Variants in RBKS observed in about 807,000 individuals in gnomAD.
The protein encoded by RBKS is ribokinase.
A neutral mutation model predicts 33.9 loss-of-function variants in RBKS; 33 were observed. The observed-to-expected ratio is 0.97, with a 90% CI of 0.74 to 1.30. RBKS has a LOEUF of 1.30. Among genes scored for constraint, RBKS ranks in the 50% most tolerant of loss-of-function variants. RBKS has a pLI of 0.00. For missense variants in RBKS, 361 were observed against 392.6 expected (o/e 0.92, Z 0.68); for synonymous variants, 125 against 143.0 (o/e 0.87, Z 0.90).
chr2:27,832,539 C>T (rs1290483477), intron 6 of RBKS, 147 bp downstream of exon 6: 1 of 629,722 alleles, frequency 1.6e-6, no homozygotes, highest in African/African-American at 1.9e-5. Context: ...TCCTTTTCTC[C>T]ACACCCCGGT....
At chr2:27,789,125 G>T (rs922827372) in intron 7 of RBKS, among the ~76,000 whole-genome samples, 4 of 152,180 alleles carry the variant, frequency 2.6e-5, no homozygotes, top group African/African-American at 9.7e-5. Flanking sequence ...TAGACACGTA[G>T]CTCACTTGAT....
chr2:27,791,646 A>AATATAC (rs66685463), intron 7 of RBKS, among the ~76,000 whole-genome samples: 16,827 of 140,866 alleles, frequency 0.12, 1,161 homozygotes, highest in African/African-American at 0.18. Flanking sequence ...ACACACACTA[A>AATATAC]ATATACATAT....
intron 1 of RBKS, chr2:27,861,335 G>A (rs1297778563): frequency 5.8e-5 from 23 of 398,178 alleles, no homozygotes; most frequent in South Asian, 3.8e-4. Context: ...AGGATGTGGA[G>A]GTGTTGATTA....
intron 1 of RBKS, among the ~76,000 whole-genome samples, chr2:27,880,817 A>G (rs1247354764): frequency 2.6e-5 from 4 of 152,232 alleles, no homozygotes; most frequent in African/African-American, 4.8e-5. Context: ...GGAAGAATCA[A>G]TATCATTAAA....
rs371321802 is a variant in RBKS, at chr2:27,827,708, C to T, written c.654G>A (p.Gly218=). ...TTTTCAAGAGCACTAATGCAGCCTC[C>T]CCAGCATCTGCAGCGCTGCCCACCG... ...GLTVGSAADA[G]EAALVLLKRG... The change falls in exon 7 of 8, where the codon GGG becomes GGA. Residue 218 remains glycine (G), a synonymous_variant. Transcript: ENST00000302188. 48 of 1,612,794 alleles carry T rather than the reference C, an allele frequency of 3.0e-5. No homozygotes were observed. The highest frequency in any genetic ancestry group is 4.0e-5 in the Non-Finnish European group (47 of 1,179,590).
chr2:27,812,721 C>T (rs1237284436), intron 7 of RBKS, among the ~76,000 whole-genome samples: 2 of 151,794 alleles, frequency 1.3e-5, no homozygotes, highest in African/African-American at 2.4e-5. Context: ...GTGGGGGAAG[C>T]GGGGAGGGAC....
chr2:27,792,082 T>C (rs1051231711), intron 7 of RBKS, among the ~76,000 whole-genome samples: 15 of 152,228 alleles, frequency 9.9e-5, no homozygotes, highest in African/African-American at 3.1e-4. Context: ...GGGTTTACTA[T>C]TGATTTACTC....
rs1023866529 is a variant in RBKS, at chr2:27,834,318, C to A, written c.515-1541G>T. Among the ~76,000 whole-genome samples, 5 of 152,168 alleles carry A rather than the reference C, an allele frequency of 3.3e-5. No homozygotes were observed. In the East Asian group the frequency reaches 5.8e-4, roughly 18 times the overall value. ...TCCCACATTTTTGTTATTTCAGAAT[C>A]CAGAATGTCCACCCACAGAAATTCT... is the stretch of plus-strand genomic sequence containing the variant. On this transcript the variant is annotated intron_variant, in intron 5 of 7. Transcript: ENST00000302188.
At chr2:27,849,559 C>CAAAAAAAAAAAAAAAAAAAAAAAAA (rs70953894) in intron 2 of RBKS, among the ~76,000 whole-genome samples, 16 of 28,598 alleles carry the variant, frequency 5.6e-4, no homozygotes, top group South Asian at 1.9e-3. Context: ...GACTCTGTCT[C>CAAAAAAAAAAAAAAAAAAAAAAAAA]AAAAAAAAAA....
chr2:27,871,748 T>G (rs1332840018), intron 1 of RBKS, among the ~76,000 whole-genome samples: 1 of 152,214 alleles, frequency 6.6e-6, no homozygotes, highest in Non-Finnish European at 1.5e-5. Context: ...CACTATAAAG[T>G]TAAGCCTGCC....
chr2:27,838,409 A>G (rs1663358589), intron 5 of RBKS, among the ~76,000 whole-genome samples: 1 of 152,184 alleles, frequency 6.6e-6, no homozygotes, highest in Admixed American at 6.5e-5. Flanking sequence ...TAAGGAAAAA[A>G]TTACATTAAA....
At position 27,832,666 on chromosome 2, in the gene RBKS, G is replaced by A. The variant is rs772289596; in HGVS notation, c.606+20C>T. The A allele has an allele frequency of 1.3e-6, 2 of 1,546,170 alleles. No individual in the cohort carries two copies. The highest frequency in any genetic ancestry group is 3.3e-5 in the Admixed American group (2 of 59,850). ...AAACTTTTGGTTTCTCATAGAATGA[G>A]CAAAGCAATTCACCCTTACCTCACT... is the stretch of plus-strand genomic sequence containing the variant. On this transcript the variant is annotated intron_variant, in intron 6 of 7. Transcript: ENST00000302188.
intron 4 of RBKS, among the ~76,000 whole-genome samples, chr2:27,846,259 C>T (rs114585596): frequency 0.029 from 4,435 of 152,330 alleles, 147 homozygotes; most frequent in South Asian, 0.16. Flanking sequence ...TGAGCCACTA[C>T]GCTCAGCCTC....
intron 1 of RBKS, among the ~76,000 whole-genome samples, chr2:27,877,320 T>C (rs1664332592): frequency 6.6e-6 from 1 of 152,096 alleles, no homozygotes; most frequent in South Asian, 2.1e-4. Flanking sequence ...TGTATTGGTA[T>C]ATGGAAGATT....
Position 27,890,334 on chromosome 2 carries a change from A to G in RBKS, c.12T>C (p.Ser4=), listed in dbSNP as rs747552945. Reference sequence around the variant, plus strand: ...CTTGCCACTGCCTCTGGGGTTCCCCAGACGCCGCCATCGCTCAAAGGTGCT... The same window carrying G: ...CTTGCCACTGCCTCTGGGGTTCCCCGGACGCCGCCATCGCTCAAAGGTGCT... MAA[S]GEPQRQWQEE... The change falls in exon 1 of 8, where the codon TCT becomes TCC. Residue 4 remains serine (S), a synonymous_variant. Transcript: ENST00000302188. The surrounding 1 kb of genome is among the most constrained non-coding windows in gnomAD (Gnocchi z 4.8). The G allele has an allele frequency of 5.6e-6, 9 of 1,613,430 alleles. No individual in the cohort carries two copies. In the African/African-American group the frequency reaches 9.3e-5, roughly 17 times the overall value.
intron 5 of RBKS, 23 bp from the exon 6 acceptor site, chr2:27,832,800 G>A: frequency 7.1e-7 from 1 of 1,409,878 alleles, no homozygotes. Flanking sequence ...GGAAAAGGGG[G>A]TTATTATTAG....
intron 7 of RBKS, among the ~76,000 whole-genome samples, chr2:27,790,332 T>C (rs1250470514): frequency 6.6e-6 from 1 of 152,126 alleles, no homozygotes; most frequent in African/African-American, 2.4e-5. Context: ...CAAACCTAAA[T>C]GTAAGAGTTG....
chr2:27,890,233 CTGAG>C lies in RBKS; in HGVS notation c.89+20_89+23del, dbSNP rs756166439. The C allele has an allele frequency of 2.5e-6, 4 of 1,610,430 alleles. No homozygotes were observed. Among genetic ancestry groups the C allele is most frequent in the Middle Eastern group, 1.7e-4 (1 of 6,054 alleles). Reference sequence around the variant, plus strand: ...CACGCCTCCTCCCCCGAGCCGCAGACTGAGTAACTGGCCCCGGACTAACCTGACC... The same window carrying C: ...CACGCCTCCTCCCCCGAGCCGCAGACTAACTGGCCCCGGACTAACCTGACC... On this transcript the variant is annotated intron_variant, in intron 1 of 7. Coordinates refer to ENST00000302188, the MANE Select transcript of RBKS (RefSeq NM_022128.3). The surrounding 1 kb of genome is among the most constrained non-coding windows in gnomAD (Gnocchi z 4.8).
rs760573888 is a variant in RBKS at position 27,827,720 on chromosome 2, A to G, written c.642T>C (p.Ala214=). The G allele has an allele frequency of 2.1e-5, 34 of 1,609,604 alleles. No individual in the cohort carries two copies. The highest frequency in any genetic ancestry group is 7.6e-6 in the Non-Finnish European group (9 of 1,178,646). ...EILTGLTVGS[A]ADAGEAALVL... ...CTAATGCAGCCTCCCCAGCATCTGC[A>G]GCGCTGCCCACCGTGAGGCCAGTTA... is the stretch of plus-strand genomic sequence containing the variant. Residue 214 remains alanine, a synonymous_variant, in exon 7 of 8, where the codon GCT becomes GCC. Coordinates refer to ENST00000302188, the MANE Select transcript of RBKS (RefSeq NM_022128.3).
Sources: allele counts gnomAD v4.1 joint callset (sites outside exome capture counted in the v4.1 genomes callset), GRCh38; gene constraint gnomAD v4.1.1; non-coding constraint Gnocchi (gnomAD v3.1); transcripts MANE v1.5; gene names NCBI Gene and HGNC (gene_info 2026-07-23, HGNC 2026-07-21).